The following THAP4 variants were observed in gnomAD, a reference collection of about 807,000 sequenced individuals.
The protein encoded by THAP4 is THAP domain containing 4, also known as peroxynitrite isomerase THAP4.
Under a neutral mutation model 48.1 loss-of-function variants are expected in THAP4, and 18 were observed. That is an observed-to-expected ratio of 0.37 (90% CI 0.26 to 0.56). The LOEUF is 0.56. Among genes scored for constraint, THAP4 ranks in the 20% least tolerant of loss-of-function variants. THAP4 has a pLI of 0.78. For missense variants in THAP4, 656 were observed against 774.9 expected (o/e 0.85, Z 1.82); for synonymous variants, 345 against 324.9 (o/e 1.06, Z -0.66).
chr2:241,608,494 T>G (rs966078096), intron 2 of THAP4, among the ~76,000 whole-genome samples: 18 of 152,122 alleles, frequency 1.2e-4, no homozygotes, highest in Admixed American at 9.8e-4. Flanking sequence ...AATAAAACTT[T>G]CCTAATTAGA....
intron 3 of THAP4, among the ~76,000 whole-genome samples, 199 bp from the exon 4 acceptor site, chr2:241,603,278 T>C (rs1018110973): frequency 1.3e-5 from 2 of 150,970 alleles, no homozygotes; most frequent in African/African-American, 2.4e-5. Context: ...GAAGACGGGC[T>C]GTTCCAGCCA....
intron 2 of THAP4, among the ~76,000 whole-genome samples, chr2:241,619,930 G>GTGA (rs2067399456): frequency 9.3e-6 from 1 of 107,662 alleles, no homozygotes; most frequent in Non-Finnish European, 1.9e-5. Context: ...GTGAGTGAGG[G>GTGA]GTGAGGGGTG....
rs1299417593 is a variant in THAP4 at position 241,601,873 on chromosome 2, G to A, written c.1614+23C>T. On this transcript the variant is annotated intron_variant, in intron 5 of 5. Coordinates refer to ENST00000407315, the MANE Select transcript of THAP4 (RefSeq NM_015963.6). The surrounding 1 kb of genome is among the most constrained non-coding windows in gnomAD (Gnocchi z 4.0). ...CGCTGCAAACAGAAGACAGGAGCGT[G>A]CTGGGAGCAGGGCTGGGCTCACCTG... 2 of 1,613,496 alleles carry A rather than the reference G, an allele frequency of 1.2e-6. No homozygotes were observed. Among genetic ancestry groups the A allele is most frequent in the East Asian group, 2.2e-5 (1 of 44,844 alleles).
chr2:241,599,646 C>T (rs955504536), intron 5 of THAP4, among the ~76,000 whole-genome samples: 6 of 152,164 alleles, frequency 3.9e-5, no homozygotes, highest in East Asian at 1.9e-4. Flanking sequence ...CTAAAGTCAC[C>T]GTAATACACT....
At chr2:241,594,401 T>A (rs1339398890) in intron 5 of THAP4, among the ~76,000 whole-genome samples, 1 of 152,092 alleles carries the variant, frequency 6.6e-6, no homozygotes, top group East Asian at 1.9e-4. Context: ...CTGGGCAACA[T>A]GGCAAAAGCT....
At position 241,610,591 on chromosome 2, in the gene THAP4, T is replaced by G. The variant is rs2067257780; in HGVS notation, c.1241-4118A>C. ...GGCCCGGAGGCCCCGCCCTCCCCACTCCTGCTTCCCCAGCCACGGGGTCTT... is the reference window on the plus strand; with the variant it reads ...GGCCCGGAGGCCCCGCCCTCCCCACGCCTGCTTCCCCAGCCACGGGGTCTT... On this transcript the variant is annotated intron_variant, in intron 2 of 5. Transcript: ENST00000407315. This position sits in a 1 kb window ranked among gnomAD's most constrained non-coding sequence, Gnocchi z 4.2. Among the ~76,000 whole-genome samples the G allele has an allele frequency of 6.9e-6, 1 of 145,264 alleles. No homozygotes were observed. The highest frequency in any genetic ancestry group is 6.8e-5 in the Admixed American group (1 of 14,754).
At chr2:241,614,744 C>A (rs943922036) in intron 2 of THAP4, among the ~76,000 whole-genome samples, 1 of 152,016 alleles carries the variant, frequency 6.6e-6, no homozygotes, top group Non-Finnish European at 1.5e-5. Context: ...AAAAAATTAG[C>A]CGGGTGTGGT....
chr2:241,613,914 G>C (rs960709168), intron 2 of THAP4, among the ~76,000 whole-genome samples: 1 of 152,134 alleles, frequency 6.6e-6, no homozygotes, highest in African/African-American at 2.4e-5. Context: ...AACTTTGAGA[G>C]ACCGAGGTGG....
intron 2 of THAP4, among the ~76,000 whole-genome samples, chr2:241,611,695 G>A (rs2067279162): frequency 6.8e-6 from 1 of 147,766 alleles, no homozygotes; most frequent in African/African-American, 2.5e-5. Flanking sequence ...CTGCACTCCA[G>A]CCTGGGTGAC....
rs958344041 is a variant in THAP4, at chr2:241,601,714, G to T, written c.1614+182C>A. On this transcript the variant is annotated intron_variant, in intron 5 of 5. Transcript: ENST00000407315. The surrounding 1 kb of genome is among the most constrained non-coding windows in gnomAD (Gnocchi z 4.0). ...ACACCACTGACCAGCCGAGGAGGGGGCAATGAATTTAGGGAACATCCACCC... is the reference window on the plus strand; with the variant it reads ...ACACCACTGACCAGCCGAGGAGGGGTCAATGAATTTAGGGAACATCCACCC... The T allele has an allele frequency of 1.8e-6, 2 of 1,121,944 alleles. No homozygotes were observed. Among genetic ancestry groups the T allele is most frequent in the Non-Finnish European group, 2.5e-6 (2 of 798,902 alleles). 69.5% of individuals were successfully genotyped at this position (1,121,944 alleles called of 1,614,324 possible).
At position 241,633,195 on chromosome 2, in the gene THAP4, C is replaced by T. The variant is rs2067588912; in HGVS notation, c.962G>A (p.Ser321Asn). ...GTTGATGGACATGGGGCTGGCGTCG[C>T]TGTGCTCGCTCTGCACGGCTTCCGT... ...PATEAVQSEH[S>N]DASPMSINEV... The change falls in exon 2 of 6, where the codon AGC (serine) becomes AAC (asparagine). Residue 321 changes from serine (S) to asparagine (N), a missense_variant. Physicochemically the swap from Ser to Asn is conservative, Grantham distance 46. Around this residue, in one of 4 missense-constraint regions of THAP4, gnomAD observed 391 missense variants for 412.4 expected, o/e 0.95. Coordinates refer to ENST00000407315, the MANE Select transcript of THAP4 (RefSeq NM_015963.6). The surrounding 1 kb of genome is among the most constrained non-coding windows in gnomAD (Gnocchi z 7.5). 2.5e-6 allele frequency: 4 copies of T among 1,608,718 alleles called. No homozygotes were observed. Among genetic ancestry groups the T allele is most frequent in the South Asian group, 1.1e-5 (1 of 90,730 alleles).
chr2:241,611,421 C>T (rs191241669), intron 2 of THAP4, among the ~76,000 whole-genome samples: 2 of 152,298 alleles, frequency 1.3e-5, no homozygotes, highest in South Asian at 2.1e-4. Flanking sequence ...TGCGCCACTC[C>T]GAAAGAAAGG....
intron 5 of THAP4, among the ~76,000 whole-genome samples, chr2:241,587,030 G>A (rs1461935598): frequency 6.6e-6 from 1 of 152,184 alleles, no homozygotes; most frequent in Non-Finnish European, 1.5e-5. Flanking sequence ...TCAAAGGCAA[G>A]AAAATAGAAA....
At chr2:241,611,584 C>T (rs1270154788) in intron 2 of THAP4, among the ~76,000 whole-genome samples, 5 of 151,918 alleles carry the variant, frequency 3.3e-5, no homozygotes, top group East Asian at 1.9e-4. Flanking sequence ...ACTAGCCGGG[C>T]GTGGTGGCGG....
At chr2:241,632,841 G>C in intron 2 of THAP4, 76 bp downstream of exon 2, 2 of 1,204,740 alleles carry the variant, frequency 1.7e-6, no homozygotes, top group Non-Finnish European at 2.3e-6. Flanking sequence ...GAAATGCTCA[G>C]GGGACGCTGG....
At chr2:241,627,822 T>C (rs2067512432) in intron 2 of THAP4, among the ~76,000 whole-genome samples, 1 of 152,182 alleles carries the variant, frequency 6.6e-6, no homozygotes, top group African/African-American at 2.4e-5. Flanking sequence ...CCACACCGCA[T>C]GCCCAGCCGT....
chr2:241,599,122 C>T (rs1316691309), intron 5 of THAP4, among the ~76,000 whole-genome samples: 1 of 151,928 alleles, frequency 6.6e-6, no homozygotes, highest in Non-Finnish European at 1.5e-5. Context: ...TGTGGTGGTG[C>T]ATGCCTGTAA....
chr2:241,634,417 A>T (rs2067611367), intron 1 of THAP4, among the ~76,000 whole-genome samples: 1 of 152,208 alleles, frequency 6.6e-6, no homozygotes, highest in Non-Finnish European at 1.5e-5. Flanking sequence ...GACAGCAGGA[A>T]ATAGCTCCTA....
rs778886599 is a variant in THAP4, at chr2:241,637,023, G to C, written c.-6C>G. The C allele has an allele frequency of 7.9e-7, 1 of 1,264,572 alleles. No homozygotes were observed. The highest frequency in any genetic ancestry group is 1.0e-6 in the Non-Finnish European group (1 of 980,218). 78.3% of individuals were successfully genotyped at this position (1,264,572 alleles called of 1,614,324 possible). A position where few individuals can be genotyped will look rare whatever the true frequency, so the allele number is the denominator to read the frequency against. ...GCCGCACAGCAGATCACCATCGCGGGCCTTGGCCCAGCCGCGCAGCCAGGC... is the reference window on the plus strand; with the variant it reads ...GCCGCACAGCAGATCACCATCGCGGCCCTTGGCCCAGCCGCGCAGCCAGGC... On this transcript the variant is annotated 5_prime_UTR_variant, in exon 1 of 6. Coordinates refer to ENST00000407315, the MANE Select transcript of THAP4 (RefSeq NM_015963.6).
Sources: gnomAD v4.1 joint callset for allele counts (sites outside exome capture counted in the v4.1 genomes callset) on GRCh38, gnomAD v4.1.1 for gene constraint, gnomAD v4.1.1 regional missense constraint, Gnocchi (gnomAD v3.1) non-coding constraint, MANE v1.5 for transcripts, NCBI Gene and HGNC (gene_info 2026-07-23, HGNC 2026-07-21) for gene names.